Variants in SV2C observed in about 807,000 individuals in gnomAD.
SV2C encodes the protein synaptic vesicle glycoprotein 2C.
A neutral mutation model predicts 79.7 loss-of-function variants in SV2C; 49 were observed. The observed-to-expected ratio is 0.61, with a 90% CI of 0.49 to 0.78. SV2C has a LOEUF of 0.78. Ranked by LOEUF, SV2C falls within the 30% of genes least tolerant of loss-of-function variation. The pLI is 0.00. For synonymous variants in SV2C, 334 were observed against 333.2 expected, an observed-to-expected ratio of 1.00 and a Z score of -0.03; for missense variants, 833 against 912.9, an observed-to-expected ratio of 0.91 and a Z score of 1.13.
chr5:76,002,862 C>G, the SV2C span, among the ~76,000 whole-genome samples: 1 of 116,324 alleles, frequency 8.6e-6, no homozygotes, highest in Non-Finnish European at 2.1e-5. Context: ...TACTTCTGTG[C>G]GTGTGTTTTT....
At chr5:76,201,574 T>C (rs1448843811) in intron 3 of SV2C, among the ~76,000 whole-genome samples, 1 of 152,220 alleles carries the variant, frequency 6.6e-6, no homozygotes, top group African/African-American at 2.4e-5. Context: ...ATTAGCTGTA[T>C]TGAGTTATAG....
chr5:76,051,518 TAGA>T, the SV2C span, among the ~76,000 whole-genome samples: 1 of 152,096 alleles, frequency 6.6e-6, no homozygotes, highest in African/African-American at 2.4e-5. Flanking sequence ...CACTCAAAAT[TAGA>T]AGAATTATTA....
intron 12 of SV2C, among the ~76,000 whole-genome samples, chr5:76,343,471 A>G (rs1749481831): frequency 6.6e-6 from 1 of 152,216 alleles, no homozygotes; most frequent in Non-Finnish European, 1.5e-5. Context: ...AAGGTGCTCA[A>G]TTTCATTAGT....
At chr5:75,914,410 TG>T in the SV2C span, among the ~76,000 whole-genome samples, 1 of 152,220 alleles carries the variant, frequency 6.6e-6, no homozygotes, top group African/African-American at 2.4e-5. Context: ...TAACCAGGTT[TG>T]GGAGTAAACC....
At chr5:75,983,263 G>T in the SV2C span, among the ~76,000 whole-genome samples, 4 of 152,004 alleles carry the variant, frequency 2.6e-5, no homozygotes, top group Non-Finnish European at 5.9e-5. Flanking sequence ...ACTAATCTGC[G>T]TGTCACTCGG....
chr5:76,316,054 T>C (rs909095637), intron 12 of SV2C, among the ~76,000 whole-genome samples: 3 of 152,150 alleles, frequency 2.0e-5, no homozygotes, highest in Admixed American at 1.3e-4. Flanking sequence ...ACAAGAATAA[T>C]GGTTCCATGC....
the SV2C span, among the ~76,000 whole-genome samples, chr5:76,053,029 G>A: frequency 8.0e-5 from 12 of 150,892 alleles, no homozygotes; most frequent in African/African-American, 1.7e-4. Flanking sequence ...AGGACTTCCC[G>A]CACATTCCAT....
chr5:76,181,722 C>T (rs1337917727), intron 2 of SV2C, among the ~76,000 whole-genome samples: 4 of 152,154 alleles, frequency 2.6e-5, no homozygotes, highest in Non-Finnish European at 5.9e-5. Context: ...TCAACCACTT[C>T]CCACCAGGCC....
the SV2C span, among the ~76,000 whole-genome samples, chr5:75,996,293 G>A: frequency 1.3e-5 from 2 of 152,106 alleles, no homozygotes; most frequent in South Asian, 4.1e-4. Flanking sequence ...TCAGATAGTT[G>A]TAGATATGCA....
At chr5:75,981,548 C>T in the SV2C span, among the ~76,000 whole-genome samples, 1 of 151,876 alleles carries the variant, frequency 6.6e-6, no homozygotes. Flanking sequence ...AATAAAGAAC[C>T]CGGAAATAAG....
the SV2C span, among the ~76,000 whole-genome samples, chr5:76,059,697 TC>T: frequency 6.6e-6 from 1 of 152,082 alleles, no homozygotes; most frequent in Non-Finnish European, 1.5e-5. Flanking sequence ...TCTTCCAAAC[TC>T]CTGTTCATGT....
chr5:76,279,473 G>T (rs996118144), intron 4 of SV2C, among the ~76,000 whole-genome samples: 1 of 152,164 alleles, frequency 6.6e-6, no homozygotes, highest in Non-Finnish European at 1.5e-5. Context: ...AGGTGGGAAC[G>T]AAACTAGCAT....
the SV2C span, among the ~76,000 whole-genome samples, chr5:75,958,823 G>A: frequency 2.0e-5 from 3 of 151,886 alleles, no homozygotes; most frequent in Non-Finnish European, 4.4e-5. Context: ...TAGCATACCA[G>A]CATTTATCTC....
chr5:76,086,390 C>T (rs1042707843), intron 1 of SV2C, among the ~76,000 whole-genome samples: 1 of 152,188 alleles, frequency 6.6e-6, no homozygotes, highest in South Asian at 2.1e-4. Flanking sequence ...GCTCCTTAAC[C>T]AGCCCACTGT....
rs1169878096 is a variant in SV2C at position 76,330,051 on chromosome 5, T to C, written c.*4504T>C. ...ATTTTAAGTAAAGCTTCTCTTGTTA[T>C]CTGTAATGTAGACAAAAAAAAAAAA... On this transcript the variant is annotated 3_prime_UTR_variant, in exon 13 of 13. Transcript: ENST00000502798. 1.4e-5 allele frequency: 2 copies of C among 140,940 alleles called. No individual in the cohort carries two copies. The highest frequency in any genetic ancestry group is 5.2e-5 in the African/African-American group (2 of 38,118). The allele number at this position is 140,940 out of a possible 1,614,324, so 8.7% of individuals were successfully genotyped here.
chr5:76,236,064 T>C (rs1267356425), intron 4 of SV2C, among the ~76,000 whole-genome samples: 2 of 152,190 alleles, frequency 1.3e-5, no homozygotes, highest in East Asian at 3.8e-4. Flanking sequence ...TTCTCTAAGA[T>C]AAAATGAGGT....
chr5:75,997,299 A>G, the SV2C span, among the ~76,000 whole-genome samples: 1 of 152,128 alleles, frequency 6.6e-6, no homozygotes, highest in Non-Finnish European at 1.5e-5. Context: ...CATGTCTACA[A>G]CACCAAAAGC....
chr5:75,848,118 G>A, the SV2C span, among the ~76,000 whole-genome samples: 2 of 152,202 alleles, frequency 1.3e-5, no homozygotes, highest in Non-Finnish European at 1.5e-5. Flanking sequence ...GAGCTGGAAC[G>A]CCTCCCAGGA....
intron 4 of SV2C, among the ~76,000 whole-genome samples, chr5:76,284,587 G>C (rs1001992789): frequency 6.6e-6 from 1 of 152,212 alleles, no homozygotes; most frequent in African/African-American, 2.4e-5. Flanking sequence ...ACCCTGACAA[G>C]AGCTGTGGCT....
Sources: gnomAD v4.1 joint callset for allele counts (sites outside exome capture counted in the v4.1 genomes callset) on GRCh38, gnomAD v4.1.1 for gene constraint, MANE v1.5 for transcripts, NCBI Gene and HGNC (gene_info 2026-07-23, HGNC 2026-07-21) for gene names.